PLBD1: variants seen among roughly 807,000 people sequenced by gnomAD.
PLBD1 encodes phospholipase B domain containing 1.
Under a neutral mutation model 63.0 loss-of-function variants are expected in PLBD1, and 60 were observed. That is an observed-to-expected ratio of 0.95 (90% CI 0.77 to 1.18). The LOEUF (loss-of-function observed/expected upper bound fraction) is 1.18, where lower values mean the gene tolerates loss of function less well. Among genes scored for constraint, PLBD1 ranks in the 50% most tolerant of loss-of-function variants. The pLI, the probability that PLBD1 is intolerant of heterozygous loss-of-function variation, is 0.00. For synonymous variants in PLBD1, 262 were observed against 248.0 expected, an observed-to-expected ratio of 1.06 and a Z score of -0.53; for missense variants, 598 against 677.9, an observed-to-expected ratio of 0.88 and a Z score of 1.31.
chr12:14,525,482 A>T (rs905778708), intron 6 of PLBD1, among the ~76,000 whole-genome samples: 13 of 152,118 alleles, frequency 8.5e-5, no homozygotes, highest in Admixed American at 3.3e-4. Context: ...GATGGAAAAA[A>T]TATGTGAAGC....
At chr12:14,523,363 G>C (rs1472396280) in intron 6 of PLBD1, among the ~76,000 whole-genome samples, 1 of 152,060 alleles carries the variant, frequency 6.6e-6, no homozygotes, top group Non-Finnish European at 1.5e-5. Flanking sequence ...GATATTCCAT[G>C]TTTACGGATT....
rs773639025 is a variant in PLBD1, at chr12:14,540,916, T to C, written c.420-14A>G. The C allele has an allele frequency of 8.2e-6, 13 of 1,588,020 alleles. No individual in the cohort carries two copies. The Admixed American group carries it at 1.5e-4, about 19-fold the overall frequency. On this transcript the variant is annotated splice_polypyrimidine_tract_variant and intron_variant, in intron 3 of 10. Transcript: ENST00000240617. The stretch of plus-strand genomic sequence containing the variant: ...TTATCTTGCTTCCTGGAAGAGAAAT[T>C]AGATTTGCACCACAGTCTCAATAGT...
intron 1 of PLBD1, among the ~76,000 whole-genome samples, chr12:14,554,623 C>T (rs1313985134): frequency 6.6e-6 from 1 of 152,034 alleles, no homozygotes; most frequent in African/African-American, 2.4e-5. Flanking sequence ...CTCCTCCTGT[C>T]CCTTGCTCCA....
At chr12:14,529,094 C>T (rs1945439968) in intron 6 of PLBD1, among the ~76,000 whole-genome samples, 1 of 152,034 alleles carries the variant, frequency 6.6e-6, no homozygotes, top group African/African-American at 2.4e-5. Flanking sequence ...TTTTGGGAAA[C>T]CAAGGCAGGA....
chr12:14,555,353 CA>C (rs925438838), intron 1 of PLBD1, among the ~76,000 whole-genome samples: 2 of 152,134 alleles, frequency 1.3e-5, no homozygotes, highest in Admixed American at 6.6e-5. Flanking sequence ...GCCTGGCCAA[CA>C]TGGAGAAACC....
At chr12:14,557,362 T>C (rs927940074) in intron 1 of PLBD1, among the ~76,000 whole-genome samples, 2 of 152,158 alleles carry the variant, frequency 1.3e-5, no homozygotes, top group Non-Finnish European at 2.9e-5. Flanking sequence ...CATGCACACA[T>C]ATGTTCATTG....
In PLBD1 at chr12:14,515,537, G is replaced by A. The variant is rs550900849; in HGVS notation, c.845-3826C>T. On this transcript the variant is annotated intron_variant, in intron 6 of 10. Transcript: ENST00000240617. ...AAGCAAAGGACATGAATTTTGGTCTGTACTAAATATAGATTGTTTTTATAT... is the reference window on the plus strand; with the variant it reads ...AAGCAAAGGACATGAATTTTGGTCTATACTAAATATAGATTGTTTTTATAT... Among the ~76,000 whole-genome samples, 90 of 151,504 alleles carry A rather than the reference G, an allele frequency of 5.9e-4. 1 individual carries two copies. Among genetic ancestry groups the A allele is most frequent in the African/African-American group, 2.0e-3 (81 of 41,256 alleles).
chr12:14,541,565 A>G (rs1279377520), intron 3 of PLBD1, among the ~76,000 whole-genome samples: 1 of 152,188 alleles, frequency 6.6e-6, no homozygotes, highest in Non-Finnish European at 1.5e-5. Flanking sequence ...CAATCTTAGA[A>G]TAATGTCATT....
At chr12:14,511,790 A>G (rs1280534192) in intron 6 of PLBD1, 79 bp from the exon 7 acceptor site, 4 of 1,361,412 alleles carry the variant, frequency 2.9e-6, no homozygotes, top group African/African-American at 1.4e-5. Flanking sequence ...AGAGCTTTAC[A>G]TACACAATGC....
chr12:14,567,519 G>C (rs937549216), intron 1 of PLBD1, 63 bp downstream of exon 1: 70 of 1,414,132 alleles, frequency 5.0e-5, no homozygotes, highest in Non-Finnish European at 6.1e-5. Context: ...CGCGGGGCAC[G>C]GGCGCTAACA....
Position 14,503,959 on chromosome 12 carries a change from A to C in PLBD1, c.1480-5T>G. On this transcript the variant is annotated splice_polypyrimidine_tract_variant and splice_region_variant and intron_variant, in intron 10 of 10. Coordinates refer to ENST00000240617, the MANE Select transcript of PLBD1 (RefSeq NM_024829.6). Reference sequence around the variant, plus strand: ...TGCTAGGTAGATATCTGCCACCTGGAAAGAGGGAGGAGGAGGACATTTTAG... The same window carrying C: ...TGCTAGGTAGATATCTGCCACCTGGCAAGAGGGAGGAGGAGGACATTTTAG... The C allele has an allele frequency of 6.3e-7, 1 of 1,596,706 alleles. No homozygotes were observed. Among genetic ancestry groups the C allele is most frequent in the Non-Finnish European group, 8.6e-7 (1 of 1,169,366 alleles).
chr12:14,507,652 T>C (rs745745106), intron 8 of PLBD1, among the ~76,000 whole-genome samples: 5 of 152,122 alleles, frequency 3.3e-5, no homozygotes, highest in Non-Finnish European at 7.4e-5. Context: ...TGTTTCTGTT[T>C]CTTTTTTTTT....
At chr12:14,553,838 G>A (rs1020829503) in intron 1 of PLBD1, 8 of 196,312 alleles carry the variant, frequency 4.1e-5, no homozygotes, top group Admixed American at 1.6e-4. Context: ...TTGACTGAGC[G>A]CTCAGCTTCA....
At chr12:14,566,401 C>A (rs908955003) in intron 1 of PLBD1, among the ~76,000 whole-genome samples, 2 of 152,170 alleles carry the variant, frequency 1.3e-5, no homozygotes, top group Non-Finnish European at 2.9e-5. Context: ...TAGGAAGGGG[C>A]ATCCTCCCCC....
chr12:14,548,866 C>T (rs894905968), intron 2 of PLBD1, among the ~76,000 whole-genome samples: 3 of 152,126 alleles, frequency 2.0e-5, no homozygotes, highest in African/African-American at 4.8e-5. Flanking sequence ...TCAGCAGCCG[C>T]GTGAACAACA....
chr12:14,527,509 T>A (rs1397049898), intron 6 of PLBD1, among the ~76,000 whole-genome samples: 3 of 152,206 alleles, frequency 2.0e-5, no homozygotes, highest in South Asian at 2.1e-4. Flanking sequence ...TCCAGATGAC[T>A]ACCGTTATTC....
intron 6 of PLBD1, among the ~76,000 whole-genome samples, chr12:14,525,453 G>C (rs1214752027): frequency 6.6e-6 from 1 of 152,030 alleles, no homozygotes; most frequent in Non-Finnish European, 1.5e-5. Context: ...GTCCCAGAGG[G>C]AGAAGAGAGA....
intron 10 of PLBD1, among the ~76,000 whole-genome samples, chr12:14,505,867 T>C (rs1361059633): frequency 6.6e-6 from 1 of 152,244 alleles, no homozygotes; most frequent in African/African-American, 2.4e-5. Flanking sequence ...GTAAACATTT[T>C]ACAGAGATTA....
chr12:14,520,012 G>A (rs574254152), intron 6 of PLBD1, among the ~76,000 whole-genome samples: 4 of 152,294 alleles, frequency 2.6e-5, no homozygotes, highest in African/African-American at 7.2e-5. Context: ...ACTGTGTCCT[G>A]TTCCCTGACT....
Sources: allele counts gnomAD v4.1 joint callset (sites outside exome capture counted in the v4.1 genomes callset), GRCh38; gene constraint gnomAD v4.1.1; transcripts MANE v1.5; gene names NCBI Gene and HGNC (gene_info 2026-07-23, HGNC 2026-07-21).